The following RGS6 variants were observed in gnomAD, a reference collection of about 807,000 sequenced individuals.
RGS6 encodes the protein regulator of G protein signaling 6.
A neutral mutation model predicts 78.5 loss-of-function variants in RGS6; 30 were observed. The observed-to-expected ratio is 0.38, with a 90% CI of 0.29 to 0.52. The LOEUF is 0.52. Ranked by LOEUF, RGS6 falls within the 20% of genes least tolerant of loss-of-function variation. The pLI is 0.85. For missense variants in RGS6, 495 were observed against 609.7 expected (o/e 0.81, Z 1.98); for synonymous variants, 206 against 206.0 (o/e 1.00, Z 0.00).
At chr14:72,499,241 T>C (rs1471206332) in intron 13 of RGS6, among the ~76,000 whole-genome samples, 1 of 152,182 alleles carries the variant, frequency 6.6e-6, no homozygotes, top group African/African-American at 2.4e-5. Flanking sequence ...TCTCCCTGGT[T>C]CCCAAGATGT....
intron 2 of RGS6, among the ~76,000 whole-genome samples, chr14:72,343,298 C>T (rs1476501647): frequency 6.6e-6 from 1 of 152,162 alleles, no homozygotes; most frequent in African/African-American, 2.4e-5. Context: ...GAGCTGCCTG[C>T]ATTCCTTGGC....
chr14:72,181,807 T>C (rs2097176482), intron 2 of RGS6, among the ~76,000 whole-genome samples: 1 of 152,234 alleles, frequency 6.6e-6, no homozygotes, highest in Admixed American at 6.5e-5. Flanking sequence ...GAGTACCTAC[T>C]ATGTGCCTAA....
chr14:72,431,267 T>A (rs4903018), intron 3 of RGS6, among the ~76,000 whole-genome samples: 113,772 of 152,090 alleles, frequency 0.75, 44,063 homozygotes, highest in East Asian at 0.98. Context: ...GAATTGTGAA[T>A]AAAATGCAGA....
At chr14:71,902,661 A>T in the RGS6 span, among the ~76,000 whole-genome samples, 1 of 152,228 alleles carries the variant, frequency 6.6e-6, no homozygotes, top group Non-Finnish European at 1.5e-5. Flanking sequence ...GGATATAGTT[A>T]GAGAAATAGA....
chr14:72,262,495 C>G (rs1018063067), intron 2 of RGS6, among the ~76,000 whole-genome samples: 1 of 152,150 alleles, frequency 6.6e-6, no homozygotes, highest in African/African-American at 2.4e-5. Context: ...GGGCCCATCT[C>G]TTATGACCAT....
At chr14:71,950,851 A>G (rs554146915) in intron 1 of RGS6, among the ~76,000 whole-genome samples, 7 of 152,214 alleles carry the variant, frequency 4.6e-5, no homozygotes, top group Non-Finnish European at 1.0e-4. Flanking sequence ...AATCAAAACC[A>G]CAGTGAGATA....
chr14:72,059,700 A>G (rs2093797060), intron 2 of RGS6, among the ~76,000 whole-genome samples: 1 of 152,064 alleles, frequency 6.6e-6, no homozygotes, highest in African/African-American at 2.4e-5. Flanking sequence ...GGAGGTGGGT[A>G]AGGTTAGATT....
At chr14:72,606,141 T>G in the RGS6 span, among the ~76,000 whole-genome samples, 1 of 152,012 alleles carries the variant, frequency 6.6e-6, no homozygotes, top group Admixed American at 6.6e-5. Context: ...CCTCATCGTG[T>G]CTGGTATTAA....
intron 2 of RGS6, among the ~76,000 whole-genome samples, chr14:72,158,034 G>C (rs1317316655): frequency 6.6e-6 from 1 of 151,978 alleles, no homozygotes. Context: ...CTGAGACCTG[G>C]TGCCCCAAGG....
chr14:72,199,909 G>C (rs1213486039), intron 2 of RGS6, among the ~76,000 whole-genome samples: 1 of 152,186 alleles, frequency 6.6e-6, no homozygotes, highest in African/African-American at 2.4e-5. Flanking sequence ...CAGATGGTCT[G>C]TGGCTGCTTT....
At position 72,220,044 on chromosome 14, in the gene RGS6, A is replaced by T. The variant is rs138600159; in HGVS notation, c.85-132051A>T. On this transcript the variant is annotated intron_variant, in intron 2 of 17. Transcript: ENST00000553525. ...TACACAACTTCAGCAAAGTTTCAGG[A>T]CACAAAATCAGTGAACAAAAATCAG... Among the ~76,000 whole-genome samples the T allele has an allele frequency of 2.3e-4, 35 of 152,328 alleles. 1 individual carries two copies. The East Asian group carries it at 6.4e-3, about 28-fold the overall frequency.
At chr14:72,338,830 T>C (rs1046264127) in intron 2 of RGS6, among the ~76,000 whole-genome samples, 1 of 152,144 alleles carries the variant, frequency 6.6e-6, no homozygotes, top group Non-Finnish European at 1.5e-5. Flanking sequence ...GGTTATTCAT[T>C]TGCTACAGAT....
chr14:72,353,464 C>T (rs2079537107), intron 3 of RGS6, among the ~76,000 whole-genome samples: 1 of 152,156 alleles, frequency 6.6e-6, no homozygotes, highest in African/African-American at 2.4e-5. Context: ...AAGAAGCAGT[C>T]TCAAAGGTTA....
intron 3 of RGS6, among the ~76,000 whole-genome samples, chr14:72,442,875 C>T (rs17115708): frequency 7.2e-5 from 11 of 152,098 alleles, no homozygotes; most frequent in Non-Finnish European, 1.3e-4. Flanking sequence ...GGCTTCTCGT[C>T]ATATTTTGCC....
At chr14:72,036,263 C>CTGTTT (rs200837014) in intron 2 of RGS6, among the ~76,000 whole-genome samples, 11,029 of 143,404 alleles carry the variant, frequency 0.077, 449 homozygotes, top group East Asian at 0.17. Flanking sequence ...TGAACATAAC[C>CTGTTT]CGTTTTGTTT....
intron 2 of RGS6, among the ~76,000 whole-genome samples, chr14:72,242,176 G>A (rs930755331): frequency 4.6e-5 from 7 of 152,186 alleles, no homozygotes; most frequent in East Asian, 1.9e-4. Context: ...GTAACCCACC[G>A]ACTAGCCAGA....
intron 2 of RGS6, among the ~76,000 whole-genome samples, chr14:72,336,080 C>G (rs2075972525): frequency 6.6e-6 from 1 of 152,168 alleles, no homozygotes; most frequent in Admixed American, 6.5e-5. Flanking sequence ...TCTTTTGCTG[C>G]CATATTATAT....
Position 71,964,864 on chromosome 14 carries a change from G to A in RGS6, c.73G>A (p.Val25Ile), listed in dbSNP as rs779463511. The change falls in exon 2 of 18, where the codon GTT becomes ATT. Residue 25 changes from valine (V) to isoleucine (I), a missense_variant. By Grantham distance (29) the Val-to-Ile change is conservative. Transcript: ENST00000553525. ...DPEESSPNMI[V>I]YCKIEDIITK... ...AGAGGAGAGTTCTCCAAACATGATC[G>A]TTTACTGCAAAGTAAGGCGCCTGGT... 6.2e-6 allele frequency: 10 copies of A among 1,613,530 alleles called. No individual in the cohort carries two copies. In the East Asian group the frequency reaches 1.1e-4, roughly 18 times the overall value.
At chr14:72,454,412 T>C in intron 3 of RGS6, 116 bp from the exon 4 acceptor site, 1 of 1,067,078 alleles carries the variant, frequency 9.4e-7, no homozygotes, top group Non-Finnish European at 1.5e-6. Context: ...GCCCATATTA[T>C]CCTGCTCTAC....
Sources: allele counts gnomAD v4.1 joint callset (sites outside exome capture counted in the v4.1 genomes callset), GRCh38; gene constraint gnomAD v4.1.1; transcripts MANE v1.5; gene names NCBI Gene and HGNC (gene_info 2026-07-23, HGNC 2026-07-21).